TECPR2: variants seen among roughly 807,000 people sequenced by gnomAD.
TECPR2 encodes the protein tectonin beta-propeller repeat-containing protein 2.
In TECPR2, 65 loss-of-function variants were observed where a neutral mutation model predicts 138.1. That is an observed-to-expected ratio of 0.47 (90% confidence interval 0.39 to 0.58). The LOEUF is 0.58. Ranked by LOEUF, TECPR2 falls within the 20% of genes least tolerant of loss-of-function variation. The pLI, the probability that TECPR2 is intolerant of heterozygous loss-of-function variation, is 0.00. For synonymous variants in TECPR2, 746 were observed against 749.8 expected (o/e 0.99, Z 0.08); for missense variants, 1,553 against 1,824.5 (o/e 0.85, Z 2.71).
At position 102,449,625 on chromosome 14, in the gene TECPR2, C is replaced by T; in HGVS notation, c.3076-4C>T. On this transcript the variant is annotated splice_region_variant and splice_polypyrimidine_tract_variant and intron_variant, in intron 13 of 19. Transcript: ENST00000359520. The stretch of plus-strand genomic sequence containing the variant: ...CAGGGCTTTTGCTTGTCTCCTCCTT[C>T]CAGGTGAGCATCACGGACTATGTGG... 6.2e-7 allele frequency: 1 copy of T among 1,613,854 alleles called. No homozygotes were observed. Among genetic ancestry groups the T allele is most frequent in the South Asian group, 1.1e-5 (1 of 91,066 alleles).
chr14:102,498,700 G>T lies in TECPR2; in HGVS notation c.*443G>T, dbSNP rs1158462949. ...CCAAAGGTCAGCTCTCTGCAGCGCG[G>T]GATGTGCTCGGTGATGGCTTTGTCC... On this transcript the variant is annotated 3_prime_UTR_variant, in exon 20 of 20. Coordinates refer to ENST00000359520, the MANE Select transcript of TECPR2 (RefSeq NM_014844.5). 4.7e-6 allele frequency: 2 copies of T among 421,418 alleles called. No individual in the cohort carries two copies. The highest frequency in any genetic ancestry group is 1.1e-4 in the East Asian group (2 of 17,698). The allele number at this position is 421,418 out of a possible 1,614,324, so 26.1% of individuals were successfully genotyped here. A position where few individuals can be genotyped will look rare whatever the true frequency, so the allele number is the denominator to read the frequency against.
chr14:102,466,679 A>T (rs947565565), intron 17 of TECPR2, among the ~76,000 whole-genome samples: 4 of 152,204 alleles, frequency 2.6e-5, no homozygotes, highest in Admixed American at 2.6e-4. Context: ...CCCGCATAAC[A>T]TAAAATTTCA....
intron 16 of TECPR2, among the ~76,000 whole-genome samples, chr14:102,459,715 C>G (rs887890356): frequency 3.3e-5 from 5 of 152,176 alleles, no homozygotes; most frequent in African/African-American, 4.8e-5. Context: ...TTACAAAGAT[C>G]ATGCCATTGT....
At chr14:102,364,099 A>G (rs1197741714) in intron 1 of TECPR2, among the ~76,000 whole-genome samples, 4 of 152,066 alleles carry the variant, frequency 2.6e-5, no homozygotes, top group Non-Finnish European at 4.4e-5. Flanking sequence ...TCCTTTTCTC[A>G]TCTATTGGAG....
At chr14:102,408,398 A>G in intron 3 of TECPR2, 90 bp from the exon 4 acceptor site, 1 of 1,404,408 alleles carries the variant, frequency 7.1e-7, no homozygotes, top group Non-Finnish European at 9.6e-7. Flanking sequence ...TTCCCTAACT[A>G]GGAGTGATTG....
intron 4 of TECPR2, among the ~76,000 whole-genome samples, chr14:102,412,444 A>C (rs1337146303): frequency 2.0e-5 from 3 of 152,238 alleles, no homozygotes; most frequent in Non-Finnish European, 2.9e-5. Flanking sequence ...TAAATTTTCT[A>C]ATACAATATC....
At position 102,440,436 on chromosome 14, in the gene TECPR2, G is replaced by A. The variant is rs536515944; in HGVS notation, c.2579G>A (p.Gly860Glu). The stretch of plus-strand genomic sequence containing the variant: ...GTGAATAGAATTTTTATTTCCATAG[G>A]AGCCCTTCTCTGGAAGATTGAACAG... Reference protein sequence around the residue: ...AVQQVAVSPSGALLWKIEQKS... With the variant: ...AVQQVAVSPSEALLWKIEQKS... The change falls in exon 11 of 20, where the codon GGA (glycine) becomes GAA (glutamate). Residue 860 changes from glycine (G) to glutamate (E), a missense_variant and splice_region_variant. Coordinates refer to ENST00000359520, the MANE Select transcript of TECPR2 (RefSeq NM_014844.5). 15 of 1,613,978 alleles carry A rather than the reference G, an allele frequency of 9.3e-6. No individual in the cohort carries two copies. In the East Asian group the frequency reaches 2.9e-4, roughly 31 times the overall value.
intron 17 of TECPR2, among the ~76,000 whole-genome samples, chr14:102,477,613 C>T (rs1233971889): frequency 3.6e-5 from 5 of 138,788 alleles, no homozygotes; most frequent in Non-Finnish European, 6.1e-5. Context: ...TACAGTGGTG[C>T]GATCTCGGCT....
Position 102,400,234 on chromosome 14 carries a change from C to CG in TECPR2, c.220-7100dup, listed in dbSNP as rs531861251. 7.7e-4 allele frequency among the ~76,000 whole-genome samples: 117 copies of CG among 151,950 alleles called. 1 individual carries two copies. Among genetic ancestry groups the CG allele is most frequent in the East Asian group, 6.2e-3 (32 of 5,154 alleles). On this transcript the variant is annotated intron_variant, in intron 2 of 19. Transcript: ENST00000359520. ...CTAATTTTTGTATTTTTAGTAGAGA[C>CG]GGGGTTTCTCCATGTTGGCCGGGCT...
intron 2 of TECPR2, among the ~76,000 whole-genome samples, chr14:102,399,539 TGAA>T (rs1296494383): frequency 1.3e-5 from 2 of 151,844 alleles, no homozygotes; most frequent in Non-Finnish European, 2.9e-5. Context: ...TATAAAGAAA[TGAA>T]GATCTTGGCC....
intron 2 of TECPR2, among the ~76,000 whole-genome samples, chr14:102,392,879 C>T (rs956554380): frequency 2.0e-5 from 3 of 152,214 alleles, no homozygotes; most frequent in African/African-American, 4.8e-5. Context: ...AACTCTGATG[C>T]TGAATGGGGC....
In TECPR2 at chr14:102,452,514, C is replaced by T. The variant is rs1435249350; in HGVS notation, c.3527C>T (p.Ala1176Val). 6.2e-7 allele frequency: 1 copy of T among 1,612,754 alleles called. No individual in the cohort carries two copies. The highest frequency in any genetic ancestry group is 1.3e-5 in the African/African-American group (1 of 74,946). The part of the protein sequence containing the change: ...PPEAEMRAYA[A>V]CQDALWALDS... ...GAAGCCGAGATGCGCGCCTATGCCG[C>T]CTGCCAGGATGCGCTGTGGGCGCTG... The change falls in exon 16 of 20, where the codon GCC becomes GTC. Residue 1176 changes from alanine (A) to valine (V), a missense_variant. Ala to Val is a moderately conservative substitution (Grantham distance 64, BLOSUM62 0). Transcript: ENST00000359520.
intron 2 of TECPR2, among the ~76,000 whole-genome samples, chr14:102,402,331 A>G (rs1348146472): frequency 6.6e-6 from 1 of 152,218 alleles, no homozygotes. Flanking sequence ...AGAGAAATTT[A>G]AAAATACTTA....
chr14:102,391,705 C>T (rs769422548), intron 2 of TECPR2, among the ~76,000 whole-genome samples: 10 of 152,194 alleles, frequency 6.6e-5, no homozygotes, highest in Non-Finnish European at 1.3e-4. Flanking sequence ...GCCCTCCCCT[C>T]TCTGCACCTG....
chr14:102,408,525 G>T lies in TECPR2; in HGVS notation c.386G>T (p.Ser129Ile). Residue 129 changes from serine to isoleucine, a missense_variant, in exon 4 of 20, where the codon AGC becomes ATC. Coordinates refer to ENST00000359520, the MANE Select transcript of TECPR2 (RefSeq NM_014844.5). ...RFDVTGIHKN[S>I]ITALAWSPNG... is the part of the protein sequence containing the mutation. Reference sequence around the variant, plus strand: ...GATGTCACTGGTATTCACAAAAATAGCATTACAGCTCTGGCTTGGAGCCCC... The same window carrying T: ...GATGTCACTGGTATTCACAAAAATATCATTACAGCTCTGGCTTGGAGCCCC... The T allele has an allele frequency of 6.2e-7, 1 of 1,611,588 alleles. No homozygotes were observed. The highest frequency in any genetic ancestry group is 8.5e-7 in the Non-Finnish European group (1 of 1,179,408).
At chr14:102,477,866 C>T (rs377191992) in intron 17 of TECPR2, among the ~76,000 whole-genome samples, 4 of 131,072 alleles carry the variant, frequency 3.1e-5, no homozygotes, top group East Asian at 4.6e-4. Flanking sequence ...ACCCAGGAGG[C>T]GGAACTTGCA....
intron 4 of TECPR2, among the ~76,000 whole-genome samples, chr14:102,411,758 C>T (rs1327906178): frequency 7.6e-6 from 1 of 131,334 alleles, no homozygotes; most frequent in Admixed American, 8.1e-5. Flanking sequence ...TGCATTCAAT[C>T]TGTTGCCATA....
In TECPR2 at chr14:102,498,182, G is replaced by C; in HGVS notation, c.4161G>C (p.Ser1387=). The change falls in exon 20 of 20, where the codon TCG becomes TCC. Residue 1387 remains serine, a synonymous_variant. Coordinates refer to ENST00000359520, the MANE Select transcript of TECPR2 (RefSeq NM_014844.5). ...LQRLTKTFSH[S]HGTQKSSQAA... is the part of the protein sequence containing the mutation. ...GGCTGACAAAGACGTTCAGCCACTC[G>C]CACGGCACCCAGAAGAGCAGCCAGG... The C allele has an allele frequency of 1.2e-6, 2 of 1,611,552 alleles. No homozygotes were observed. The highest frequency in any genetic ancestry group is 8.5e-7 in the Non-Finnish European group (1 of 1,180,010).
chr14:102,423,671 A>T (rs961286487), intron 5 of TECPR2, among the ~76,000 whole-genome samples: 4 of 152,158 alleles, frequency 2.6e-5, no homozygotes, highest in African/African-American at 9.7e-5. Flanking sequence ...CAACGAAGAC[A>T]TCGCCTAATG....
Sources: allele counts gnomAD v4.1 joint callset (sites outside exome capture counted in the v4.1 genomes callset), GRCh38; gene constraint gnomAD v4.1.1; transcripts MANE v1.5; gene names NCBI Gene and HGNC (gene_info 2026-07-23, HGNC 2026-07-21).